FBN2: variants seen among roughly 807,000 people sequenced by gnomAD.
FBN2 encodes fibrillin 2.
Under a neutral mutation model 355.6 loss-of-function variants are expected in FBN2, and 105 were observed. That is an observed-to-expected ratio of 0.30 (90% CI 0.25 to 0.35). The LOEUF (loss-of-function observed/expected upper bound fraction) is 0.35, where lower values mean the gene tolerates loss of function less well. Ranked by LOEUF, FBN2 falls within the 10% of genes least tolerant of loss-of-function variation. FBN2 has a pLI of 1.00. For synonymous variants in FBN2, 1,350 were observed against 1,301.2 expected (o/e 1.04, Z -0.81); for missense variants, 3,280 against 3,758.7 (o/e 0.87, Z 3.33).
At chr5:128,447,097 T>C (rs1187324497) in intron 6 of FBN2, among the ~76,000 whole-genome samples, 1 of 152,204 alleles carries the variant, frequency 6.6e-6, no homozygotes, top group Non-Finnish European at 1.5e-5. Flanking sequence ...AATCCTGTCA[T>C]CTTCGTAAGC....
intron 8 of FBN2, among the ~76,000 whole-genome samples, chr5:128,405,619 G>C (rs938371730): frequency 1.3e-5 from 2 of 152,162 alleles, no homozygotes; most frequent in South Asian, 2.1e-4. Context: ...TGTTTGACTA[G>C]AGAAAGATTT....
At chr5:128,532,827 C>T (rs1169895583) in intron 2 of FBN2, among the ~76,000 whole-genome samples, 6 of 152,196 alleles carry the variant, frequency 3.9e-5, no homozygotes, top group Non-Finnish European at 8.8e-5. Context: ...AAATGGATCA[C>T]TTGAGCCTAG....
intron 22 of FBN2, among the ~76,000 whole-genome samples, 171 bp from the exon 23 acceptor site, chr5:128,349,643 C>G (rs923221190): frequency 6.6e-6 from 1 of 152,220 alleles, no homozygotes; most frequent in African/African-American, 2.4e-5. Context: ...TAGGTACCAG[C>G]TGTGAAAATT....
chr5:128,363,865 C>T (rs568130886), intron 18 of FBN2, among the ~76,000 whole-genome samples: 4 of 152,178 alleles, frequency 2.6e-5, no homozygotes, highest in South Asian at 2.1e-4. Context: ...CCAAATCAAA[C>T]GAATATGTTC....
intron 5 of FBN2, among the ~76,000 whole-genome samples, chr5:128,501,451 T>G (rs1426048874): frequency 6.6e-6 from 1 of 152,066 alleles, no homozygotes; most frequent in Non-Finnish European, 1.5e-5. Flanking sequence ...ACCAAATTAA[T>G]GCAAAAGCCC....
intron 23 of FBN2, 151 bp downstream of exon 23, chr5:128,349,196 T>A (rs918140741): frequency 1.3e-5 from 12 of 891,662 alleles, no homozygotes; most frequent in Non-Finnish European, 1.8e-5. Flanking sequence ...CATTCACTTT[T>A]AAAACAGCCT....
chr5:128,307,228 C>T (rs749636663), intron 41 of FBN2, 25 bp from the exon 42 acceptor site: 1 of 1,363,616 alleles, frequency 7.3e-7, no homozygotes. Flanking sequence ...CAAAGCAATG[C>T]ACTCTTAAAT....
rs947123961 is a variant in FBN2, at chr5:128,363,396, G to C, written c.2428+1204C>G. On this transcript the variant is annotated intron_variant, in intron 18 of 64. Transcript: ENST00000262464. ...AGTAGAGGGGGGTTTCACCATGTTGGCCAGGCTGGTCTCAAACTCCTAACC... is the reference window on the plus strand; with the variant it reads ...AGTAGAGGGGGGTTTCACCATGTTGCCCAGGCTGGTCTCAAACTCCTAACC... 3.9e-5 allele frequency among the ~76,000 whole-genome samples: 6 copies of C among 152,066 alleles called. No individual in the cohort carries two copies. In the South Asian group the frequency reaches 1.2e-3, roughly 32 times the overall value.
chr5:128,518,061 TAC>T (rs1561494857), intron 5 of FBN2, among the ~76,000 whole-genome samples: 1 of 152,146 alleles, frequency 6.6e-6, no homozygotes, highest in African/African-American at 2.4e-5. Context: ...TTAGATAGCT[TAC>T]ACACAGCACA....
chr5:128,510,664 A>G (rs1756088444), intron 5 of FBN2, among the ~76,000 whole-genome samples: 1 of 152,202 alleles, frequency 6.6e-6, no homozygotes, highest in Non-Finnish European at 1.5e-5. Flanking sequence ...TTCTGAGCCT[A>G]TGAATTCAGA....
At chr5:128,331,877 A>T (rs1419718305) in intron 32 of FBN2, among the ~76,000 whole-genome samples, 1 of 152,178 alleles carries the variant, frequency 6.6e-6, no homozygotes. Flanking sequence ...AGAAGCATAA[A>T]AATGGGAGGC....
At chr5:128,522,053 T>C (rs558306403) in intron 4 of FBN2, among the ~76,000 whole-genome samples, 1 of 152,316 alleles carries the variant, frequency 6.6e-6, no homozygotes, top group African/African-American at 2.4e-5. Context: ...AATTTTAATT[T>C]CTAATACTAT....
chr5:128,503,430 T>C (rs922871879), intron 5 of FBN2, among the ~76,000 whole-genome samples: 1 of 152,138 alleles, frequency 6.6e-6, no homozygotes, highest in African/African-American at 2.4e-5. Context: ...TGGAACAGTT[T>C]GGAGGGCTCA....
intron 18 of FBN2, among the ~76,000 whole-genome samples, chr5:128,362,994 A>T (rs1751677136): frequency 6.6e-6 from 1 of 152,128 alleles, no homozygotes; most frequent in South Asian, 2.1e-4. Context: ...TTTGTGTATT[A>T]TCTGACCCTT....
At chr5:128,421,279 T>A (rs1231885276) in intron 7 of FBN2, among the ~76,000 whole-genome samples, 1 of 152,116 alleles carries the variant, frequency 6.6e-6, no homozygotes, top group Non-Finnish European at 1.5e-5. Flanking sequence ...TCTACCTATG[T>A]CGATAAAGAT....
chr5:128,324,618 T>G (rs1750491763), intron 34 of FBN2, among the ~76,000 whole-genome samples: 1 of 149,668 alleles, frequency 6.7e-6, no homozygotes, highest in South Asian at 2.1e-4. Context: ...GTTTTCTTTT[T>G]CTTTTTTTTT....
chr5:128,399,875 A>G (rs1368705725), intron 8 of FBN2, among the ~76,000 whole-genome samples: 1 of 152,058 alleles, frequency 6.6e-6, no homozygotes, highest in South Asian at 2.1e-4. Context: ...GGGATCCTGA[A>G]CAAATCTAAA....
At chr5:128,316,984 G>C (rs1750218182) in intron 36 of FBN2, among the ~76,000 whole-genome samples, 1 of 152,138 alleles carries the variant, frequency 6.6e-6, no homozygotes, top group South Asian at 2.1e-4. Context: ...CTGCTCCTCT[G>C]ATTCCTCTCC....
chr5:128,358,426 AATTT>A (rs1173753652), intron 19 of FBN2, among the ~76,000 whole-genome samples: 3 of 152,112 alleles, frequency 2.0e-5, no homozygotes, highest in Non-Finnish European at 2.9e-5. Flanking sequence ...TATTTCTTTG[AATTT>A]ATTATAAAGC....
Sources: gnomAD v4.1 joint callset for allele counts (sites outside exome capture counted in the v4.1 genomes callset) on GRCh38, gnomAD v4.1.1 for gene constraint, MANE v1.5 for transcripts, NCBI Gene and HGNC (gene_info 2026-07-23, HGNC 2026-07-21) for gene names.